The following FAM184A variants were observed in gnomAD, a reference collection of about 807,000 sequenced individuals.
The protein encoded by FAM184A is family with sequence similarity 184 member A, also known as protein FAM184A.
Under a neutral mutation model 143.8 loss-of-function variants are expected in FAM184A, and 99 were observed. The ratio of observed to expected loss-of-function variants is 0.69; its 90% confidence interval spans 0.58 to 0.81. The LOEUF is 0.81. Among genes scored for constraint, FAM184A ranks in the 40% least tolerant of loss-of-function variants. The pLI, the probability that FAM184A is intolerant of heterozygous loss-of-function variation, is 0.00. For synonymous variants in FAM184A, 427 were observed against 446.4 expected (o/e 0.96, Z 0.55); for missense variants, 1,217 against 1,310.5 (o/e 0.93, Z 1.10).
chr6:119,060,275 AT>A (rs1423830417), intron 1 of FAM184A, among the ~76,000 whole-genome samples: 1 of 152,146 alleles, frequency 6.6e-6, no homozygotes, highest in East Asian at 1.9e-4. Flanking sequence ...GGCTACAGGG[AT>A]ACTGTTTTCT....
intron 4 of FAM184A, among the ~76,000 whole-genome samples, chr6:119,017,340 T>C (rs1354809491): frequency 6.6e-6 from 1 of 151,990 alleles, no homozygotes; most frequent in Non-Finnish European, 1.5e-5. Flanking sequence ...CTACTAAAAA[T>C]ACAAAAAATT....
chr6:119,081,923 C>T (rs569985484), upstream of FAM184A, among the ~76,000 whole-genome samples: 1 of 152,220 alleles, frequency 6.6e-6, no homozygotes, highest in East Asian at 1.9e-4. Context: ...TCTCAACATC[C>T]AGCTGCCTGT....
At chr6:119,130,568 G>A (rs1049462744) in intron 1 of FAM184A, among the ~76,000 whole-genome samples, 3 of 152,196 alleles carry the variant, frequency 2.0e-5, no homozygotes, top group Non-Finnish European at 4.4e-5. Context: ...TTATAGGGGT[G>A]TATGTTAGAT....
Position 119,024,024 on chromosome 6 carries a change from C to T in FAM184A, c.949G>A (p.Gly317Arg), listed in dbSNP as rs1364096526. 6.2e-7 allele frequency: 1 copy of T among 1,611,452 alleles called. No individual in the cohort carries two copies. Among genetic ancestry groups the T allele is most frequent in the Non-Finnish European group, 8.5e-7 (1 of 1,179,428 alleles). Residue 317 changes from glycine (G) to arginine (R), a missense_variant, in exon 2 of 18, where the codon GGA becomes AGA. Gly to Arg is a moderately radical substitution (Grantham distance 125). Coordinates refer to ENST00000338891, the MANE Select transcript of FAM184A (RefSeq NM_024581.6). ...TELQMVQDEA[G>R]SLLDKCQKLQ... ...TTTTGGCATTTGTCAAGAAGACTTC[C>T]AGCTTCATCCTGTACCATCTGTAAC...
chr6:119,024,462 T>C lies in FAM184A; in HGVS notation c.511A>G (p.Ser171Gly). 3 of 1,613,708 alleles carry C rather than the reference T, an allele frequency of 1.9e-6. No individual in the cohort carries two copies. The African/African-American group carries it at 4.0e-5, about 22-fold the overall frequency. ...AACTGTACTTGAAGTTGTCCAAAGC[T>C]CCGTAATTTTTCTTCAAATTTCCTT... ...IRRKFEEKLRSFGQLQVQFEK... is the reference protein window; with the variant it reads ...IRRKFEEKLRGFGQLQVQFEK... The change falls in exon 2 of 18, where the codon AGC becomes GGC. Residue 171 changes from serine (S) to glycine (G), a missense_variant. Coordinates refer to ENST00000338891, the MANE Select transcript of FAM184A (RefSeq NM_024581.6).
chr6:118,979,914 G>A (rs903402687), intron 10 of FAM184A, among the ~76,000 whole-genome samples: 1 of 151,992 alleles, frequency 6.6e-6, no homozygotes, highest in African/African-American at 2.4e-5. Context: ...GCCAGGCATG[G>A]TGGTGTGCGC....
intron 1 of FAM184A, among the ~76,000 whole-genome samples, chr6:119,092,444 A>AT (rs1177022679): frequency 6.6e-6 from 1 of 152,172 alleles, no homozygotes. Context: ...GCCAATTATT[A>AT]TTTTTAATTG....
chr6:118,968,946 T>C (rs1783583491), intron 14 of FAM184A, among the ~76,000 whole-genome samples: 2 of 152,214 alleles, frequency 1.3e-5, no homozygotes, highest in Non-Finnish European at 2.9e-5. Context: ...CTGATATAGT[T>C]TGGCTGTGTC....
At chr6:119,133,169 GA>G (rs1256704505) in intron 1 of FAM184A, among the ~76,000 whole-genome samples, 1 of 152,182 alleles carries the variant, frequency 6.6e-6, no homozygotes, top group Non-Finnish European at 1.5e-5. Flanking sequence ...GTTCAGAAGA[GA>G]AAGCTTGACA....
At chr6:119,064,707 T>A (rs1414614060) in intron 1 of FAM184A, among the ~76,000 whole-genome samples, 1 of 152,092 alleles carries the variant, frequency 6.6e-6, no homozygotes, top group East Asian at 1.9e-4. Context: ...CTCCATCTCT[T>A]AAAAACAACA....
chr6:119,083,243 T>C (rs1221316197), upstream of FAM184A, among the ~76,000 whole-genome samples: 1 of 152,242 alleles, frequency 6.6e-6, no homozygotes, highest in African/African-American at 2.4e-5. Context: ...CCTCTGGGCC[T>C]GTGATGGGAG....
intron 1 of FAM184A, among the ~76,000 whole-genome samples, chr6:119,132,449 G>C (rs17080837): frequency 0.022 from 3,341 of 152,260 alleles, 119 homozygotes; most frequent in African/African-American, 0.075. Flanking sequence ...AGCCACAAGA[G>C]AGCATTAAAA....
At chr6:118,994,356 T>TAG in intron 9 of FAM184A, among the ~76,000 whole-genome samples, 1 of 132,618 alleles carries the variant, frequency 7.5e-6, no homozygotes, top group Non-Finnish European at 1.7e-5. Flanking sequence ...TAAATAAATA[T>TAG]GGAGGTGATG....
At chr6:119,111,080 C>A (rs1420130406) in intron 1 of FAM184A, among the ~76,000 whole-genome samples, 3 of 152,184 alleles carry the variant, frequency 2.0e-5, no homozygotes, top group Non-Finnish European at 4.4e-5. Context: ...CATCCCCATT[C>A]ATAGCAACAT....
intron 1 of FAM184A, among the ~76,000 whole-genome samples, chr6:119,113,635 A>AAAGAG (rs1554197532): frequency 4.0e-5 from 6 of 149,746 alleles, no homozygotes; most frequent in South Asian, 2.1e-4. Context: ...GAGAGAGAGA[A>AAAGAG]AGAGAGAGAG....
Position 118,961,840 on chromosome 6 carries a change from G to C in FAM184A, c.3262C>G (p.Pro1088Ala). Reference sequence around the variant, plus strand: ...CTGTTGAACTCAATATCGTGGACTGGAGAATTAGGAATGGGATCCAGGCGG... The same window carrying C: ...CTGTTGAACTCAATATCGTGGACTGCAGAATTAGGAATGGGATCCAGGCGG... The part of the protein sequence containing the change: ...PNRLDPIPNS[P>A]VHDIEFNSSK... Residue 1088 changes from proline to alanine, a missense_variant, in exon 17 of 18, where the codon CCA becomes GCA. Pro to Ala is a conservative substitution (Grantham distance 27). Transcript: ENST00000338891. 1 of 1,613,956 alleles carries C rather than the reference G, an allele frequency of 6.2e-7. No homozygotes were observed. Among genetic ancestry groups the C allele is most frequent in the Non-Finnish European group, 8.5e-7 (1 of 1,179,920 alleles).
rs1203380872 is a variant in FAM184A at position 119,078,308 on chromosome 6, C to A, written c.-9G>T. 5 of 1,452,230 alleles carry A rather than the reference C, an allele frequency of 3.4e-6. No individual in the cohort carries two copies. Among genetic ancestry groups the A allele is most frequent in the Non-Finnish European group, 4.5e-6 (5 of 1,105,782 alleles). The allele number at this position is 1,452,230 out of a possible 1,614,324, so 90.0% of individuals were successfully genotyped here. ...ATGCCCGGGGTCGCCATCTTCCCAA[C>A]AGACCCCAGCCGGGGCACCTGTCCC... On this transcript the variant is annotated 5_prime_UTR_variant, in exon 1 of 18. Coordinates refer to ENST00000338891, the MANE Select transcript of FAM184A (RefSeq NM_024581.6). The surrounding 1 kb of genome is among the most constrained non-coding windows in gnomAD (Gnocchi z 5.5).
chr6:118,960,888 A>G (rs1477260581), intron 17 of FAM184A: 1 of 1,230,830 alleles, frequency 8.1e-7, no homozygotes, highest in Non-Finnish European at 1.1e-6. Context: ...GCACAAGGGA[A>G]AATAAGCAAC....
chr6:119,076,195 C>T (rs1355003846), intron 1 of FAM184A, among the ~76,000 whole-genome samples: 1 of 152,140 alleles, frequency 6.6e-6, no homozygotes, highest in Non-Finnish European at 1.5e-5. Flanking sequence ...CACAGGATAT[C>T]CCACAATCAA....
Sources: gnomAD v4.1 joint callset for allele counts (sites outside exome capture counted in the v4.1 genomes callset) on GRCh38, gnomAD v4.1.1 for gene constraint, Gnocchi (gnomAD v3.1) non-coding constraint, MANE v1.5 for transcripts, NCBI Gene and HGNC (gene_info 2026-07-23, HGNC 2026-07-21) for gene names.